AGAP1: variants seen among roughly 807,000 people sequenced by gnomAD.
AGAP1 encodes the protein arf-GAP with GTPase, ANK repeat and PH domain-containing protein 1.
A neutral mutation model predicts 105.3 loss-of-function variants in AGAP1; 29 were observed. That is an observed-to-expected ratio of 0.28 (90% CI 0.21 to 0.38). AGAP1 has a LOEUF of 0.38. Among genes scored for constraint, AGAP1 ranks in the 10% least tolerant of loss-of-function variants. AGAP1 has a pLI of 1.00. For missense variants in AGAP1, 998 were observed against 1,165.1 expected, an observed-to-expected ratio of 0.86 and a Z score of 2.09; for synonymous variants, 509 against 485.9, an observed-to-expected ratio of 1.05 and a Z score of -0.63.
rs1028562124 is a variant in AGAP1, at chr2:236,003,570, C to G, written c.1646-32991C>G. Among the ~76,000 whole-genome samples the G allele has an allele frequency of 6.6e-6, 1 of 152,212 alleles. No homozygotes were observed. Among genetic ancestry groups the G allele is most frequent in the Non-Finnish European group, 1.5e-5 (1 of 68,032 alleles). On this transcript the variant is annotated intron_variant, in intron 13 of 17. Coordinates refer to ENST00000304032, the MANE Select transcript of AGAP1 (RefSeq NM_001037131.3). This position sits in a 1 kb window ranked among gnomAD's most constrained non-coding sequence, Gnocchi z 4.2. ...CGCAGCCCCCCTGCGCTGCTGCTGC[C>G]CGCATGGGGTACCCTTAAGTCCCAC...
At chr2:235,597,960 T>A (rs1443239098) in intron 1 of AGAP1, among the ~76,000 whole-genome samples, 1 of 129,458 alleles carries the variant, frequency 7.7e-6, no homozygotes, top group African/African-American at 3.1e-5. Flanking sequence ...CCGTTTCCTT[T>A]GTGTGGAGCG....
At chr2:235,886,013 G>T (rs1280706612) in intron 10 of AGAP1, among the ~76,000 whole-genome samples, 2 of 152,162 alleles carry the variant, frequency 1.3e-5, no homozygotes, top group African/African-American at 4.8e-5. Flanking sequence ...GACCAGGTTG[G>T]CATCTCTCCA....
chr2:235,721,475 T>TTA lies in AGAP1; in HGVS notation c.310+3833_310+3834dup, dbSNP rs1553614112. Among the ~76,000 whole-genome samples the TTA allele has an allele frequency of 9.7e-4, 105 of 108,304 alleles. No homozygotes were observed. Among genetic ancestry groups the TTA allele is most frequent in the South Asian group, 3.7e-4 (1 of 2,730 alleles). The allele number at this position is 108,304 out of a possible 152,430, so 71.1% of individuals were successfully genotyped here. ...TCTTGGATTGACAGATTCCTTAATATTATGTGTGTGTGTGTGTGTGTGTGT... is the reference window on the plus strand; with the variant it reads ...TCTTGGATTGACAGATTCCTTAATATTATATGTGTGTGTGTGTGTGTGTGTGT... On this transcript the variant is annotated intron_variant, in intron 3 of 17. Coordinates refer to ENST00000304032, the MANE Select transcript of AGAP1 (RefSeq NM_001037131.3). This position sits in a 1 kb window ranked among gnomAD's most constrained non-coding sequence, Gnocchi z 4.5.
At chr2:235,606,525 G>A (rs548637034) in intron 1 of AGAP1, among the ~76,000 whole-genome samples, 2 of 152,224 alleles carry the variant, frequency 1.3e-5, no homozygotes, top group South Asian at 4.1e-4. Context: ...TTTTAAAAAA[G>A]TGGGCATCAG....
At chr2:235,506,516 C>T (rs1266800433) in intron 1 of AGAP1, among the ~76,000 whole-genome samples, 1 of 148,942 alleles carries the variant, frequency 6.7e-6, no homozygotes, top group African/African-American at 2.5e-5. Flanking sequence ...GAGATCTTGT[C>T]TCAAAAAAAA....
In AGAP1 at chr2:235,721,662, G is replaced by A. The variant is rs887490078; in HGVS notation, c.310+4018G>A. Among the ~76,000 whole-genome samples the A allele has an allele frequency of 2.6e-5, 4 of 152,174 alleles. No individual in the cohort carries two copies. The highest frequency in any genetic ancestry group is 9.7e-5 in the African/African-American group (4 of 41,440). On this transcript the variant is annotated intron_variant, in intron 3 of 17. Coordinates refer to ENST00000304032, the MANE Select transcript of AGAP1 (RefSeq NM_001037131.3). This position sits in a 1 kb window ranked among gnomAD's most constrained non-coding sequence, Gnocchi z 4.5. ...GGGTTGGTTCCTTCTGCAGCTTAGAGGTTGAATCTGTTCTATGTCTGTGCG... is the reference window on the plus strand; with the variant it reads ...GGGTTGGTTCCTTCTGCAGCTTAGAAGTTGAATCTGTTCTATGTCTGTGCG...
chr2:235,916,451 A>G (rs2051889765), intron 11 of AGAP1, among the ~76,000 whole-genome samples: 1 of 152,258 alleles, frequency 6.6e-6, no homozygotes, highest in African/African-American at 2.4e-5. Context: ...GTGAAGCTGT[A>G]TCCACATGTA....
Position 236,101,747 on chromosome 2 carries a change from C to T in AGAP1, c.2115-18445C>T, listed in dbSNP as rs1394498512. Among the ~76,000 whole-genome samples, 2 of 152,230 alleles carry T rather than the reference C, an allele frequency of 1.3e-5. No homozygotes were observed. Among genetic ancestry groups the T allele is most frequent in the East Asian group, 1.9e-4 (1 of 5,190 alleles). On this transcript the variant is annotated intron_variant, in intron 16 of 17. Coordinates refer to ENST00000304032, the MANE Select transcript of AGAP1 (RefSeq NM_001037131.3). The surrounding 1 kb of genome is among the most constrained non-coding windows in gnomAD (Gnocchi z 4.9). ...TGTGATGGCGGCTGCACCAGCAGAG[C>T]CGCCGTGGGCTTCATGCCACGTTAC...
chr2:235,960,740 A>G lies in AGAP1; in HGVS notation c.1484-7722A>G, dbSNP rs1336220399. Among the ~76,000 whole-genome samples, 1 of 152,190 alleles carries G rather than the reference A, an allele frequency of 6.6e-6. No homozygotes were observed. The highest frequency in any genetic ancestry group is 1.5e-5 in the Non-Finnish European group (1 of 68,026). Reference sequence around the variant, plus strand: ...CAGGGGTCTTGCCCTTTATTCTCTGACAGCGGCCAGCTCCTAGGGCACGCT... The same window carrying G: ...CAGGGGTCTTGCCCTTTATTCTCTGGCAGCGGCCAGCTCCTAGGGCACGCT... On this transcript the variant is annotated intron_variant, in intron 12 of 17. Coordinates refer to ENST00000304032, the MANE Select transcript of AGAP1 (RefSeq NM_001037131.3). This position sits in a 1 kb window ranked among gnomAD's most constrained non-coding sequence, Gnocchi z 4.9.
At chr2:235,774,319 G>T in intron 6 of AGAP1, 1 of 469,960 alleles carries the variant, frequency 2.1e-6, no homozygotes, top group Non-Finnish European at 4.4e-6. Context: ...CCAGCCCAGG[G>T]CTGGGAAGAT....
chr2:235,690,005 T>C lies in AGAP1; in HGVS notation c.164-19174T>C, dbSNP rs1461960813. On this transcript the variant is annotated intron_variant, in intron 1 of 17. Coordinates refer to ENST00000304032, the MANE Select transcript of AGAP1 (RefSeq NM_001037131.3). The surrounding 1 kb of genome is among the most constrained non-coding windows in gnomAD (Gnocchi z 4.1). ...AATAGATCGCGTTGTTGCATGCGTT[T>C]GATGAAAGTGATATCACAGCAAATG... Among the ~76,000 whole-genome samples the C allele has an allele frequency of 3.9e-5, 6 of 152,212 alleles. No homozygotes were observed. The highest frequency in any genetic ancestry group is 9.7e-5 in the African/African-American group (4 of 41,444).
Position 235,970,279 on chromosome 2 carries a change from G to A in AGAP1, c.1645+1656G>A, listed in dbSNP as rs148655075. On this transcript the variant is annotated intron_variant, in intron 13 of 17. Coordinates refer to ENST00000304032, the MANE Select transcript of AGAP1 (RefSeq NM_001037131.3). The surrounding 1 kb of genome is among the most constrained non-coding windows in gnomAD (Gnocchi z 5.4). ...GTGAGGATAATCCCATTAAGTCAGCGATGGTGGAAAATAATGGTTATGGGT... is the reference window on the plus strand; with the variant it reads ...GTGAGGATAATCCCATTAAGTCAGCAATGGTGGAAAATAATGGTTATGGGT... 4.1e-4 allele frequency among the ~76,000 whole-genome samples: 62 copies of A among 151,388 alleles called. 1 individual carries two copies. The East Asian group carries it at 0.01, about 26-fold the overall frequency.
chr2:235,949,727 T>C (rs77581988), intron 12 of AGAP1, among the ~76,000 whole-genome samples: 13,290 of 152,148 alleles, frequency 0.087, 1,490 homozygotes, highest in African/African-American at 0.26. Context: ...AAGCAAAACA[T>C]GAGTTGGTCC....
At chr2:235,591,472 A>T (rs939296770) in intron 1 of AGAP1, among the ~76,000 whole-genome samples, 2 of 152,120 alleles carry the variant, frequency 1.3e-5, no homozygotes, top group Non-Finnish European at 1.5e-5. Context: ...TAGAGGCTTA[A>T]TCCCTCCTTC....
At chr2:235,683,150 T>C (rs1263860203) in intron 1 of AGAP1, among the ~76,000 whole-genome samples, 4 of 151,906 alleles carry the variant, frequency 2.6e-5, no homozygotes, top group Non-Finnish European at 5.9e-5. Context: ...CTACTAAAAA[T>C]ATAAAAATTA....
chr2:235,589,188 TG>T (rs1559270717), intron 1 of AGAP1, among the ~76,000 whole-genome samples: 6,887 of 86,524 alleles, frequency 0.08, 521 homozygotes, highest in Non-Finnish European at 0.11. Flanking sequence ...AATAGCTTAT[TG>T]TTTTGTTTTT....
At chr2:235,837,462 G>T (rs1346437855) in intron 9 of AGAP1, among the ~76,000 whole-genome samples, 1 of 152,164 alleles carries the variant, frequency 6.6e-6, no homozygotes, top group African/African-American at 2.4e-5. Flanking sequence ...GGTGGGGAGG[G>T]CTGCTAGGTC....
chr2:235,606,533 C>T (rs1244192913), intron 1 of AGAP1, among the ~76,000 whole-genome samples: 1 of 152,142 alleles, frequency 6.6e-6, no homozygotes, highest in African/African-American at 2.4e-5. Flanking sequence ...AAGTGGGCAT[C>T]AGAATGAATC....
chr2:235,997,687 C>G (rs960811358), intron 13 of AGAP1, among the ~76,000 whole-genome samples: 7 of 152,166 alleles, frequency 4.6e-5, no homozygotes. Flanking sequence ...CACTCCAGCT[C>G]CCCAGCGCAG....
Sources: allele counts gnomAD v4.1 joint callset (sites outside exome capture counted in the v4.1 genomes callset), GRCh38; gene constraint gnomAD v4.1.1; non-coding constraint Gnocchi (gnomAD v3.1); transcripts MANE v1.5; gene names NCBI Gene and HGNC (gene_info 2026-07-23, HGNC 2026-07-21).